Variants in SMIM31 observed in about 807,000 individuals in gnomAD.
The protein encoded by SMIM31 is human epithelial cell program regulator.
At chr4:164,781,129 TACACAC>T (rs138037586) in intron 2 of SMIM31, among the ~76,000 whole-genome samples, 1,773 of 144,538 alleles carry the variant, frequency 0.012, 38 homozygotes, top group African/African-American at 0.041. Flanking sequence ...TACATTTACA[TACACAC>T]ACACACACAC....
At chr4:164,770,266 C>T (rs1466142363) in intron 1 of SMIM31, among the ~76,000 whole-genome samples, 153 bp from the exon 2 acceptor site, 1 of 152,248 alleles carries the variant, frequency 6.6e-6, no homozygotes, top group Non-Finnish European at 1.5e-5. Context: ...ACAGTCCATT[C>T]TTGCCACTGC....
rs191378677 is a variant in SMIM31 at position 164,772,627 on chromosome 4, G to A, written c.112+2072G>A. Among the ~76,000 whole-genome samples, 286 of 147,004 alleles carry A rather than the reference G, an allele frequency of 1.9e-3. 1 individual carries two copies. The highest frequency in any genetic ancestry group is 6.4e-3 in the African/African-American group (254 of 39,926). On this transcript the variant is annotated intron_variant, in intron 2 of 2. Transcript: ENST00000507311. ...GGAGTCTCGCTCTGTCGCCCAGGCTGGAGTGCAGTGGCGCGATCTCGACTC... is the reference window on the plus strand; with the variant it reads ...GGAGTCTCGCTCTGTCGCCCAGGCTAGAGTGCAGTGGCGCGATCTCGACTC...
intron 1 of SMIM31, among the ~76,000 whole-genome samples, chr4:164,762,569 A>T (rs1732664475): frequency 6.6e-6 from 1 of 150,390 alleles, no homozygotes; most frequent in Admixed American, 6.7e-5. Context: ...ATACTAAAAT[A>T]TATATATATT....
chr4:164,799,341 C>T (rs564010649), intron 2 of SMIM31, among the ~76,000 whole-genome samples: 67 of 151,846 alleles, frequency 4.4e-4, no homozygotes, highest in African/African-American at 1.4e-3. Context: ...GCCAAGATCA[C>T]GCCACTGCAC....
At chr4:164,779,907 TCTTAGAAGTAATTGCAGCAG>T (rs1379586021) in intron 2 of SMIM31, among the ~76,000 whole-genome samples, 1 of 152,140 alleles carries the variant, frequency 6.6e-6, no homozygotes, top group Admixed American at 6.6e-5. Context: ...TTTTGGCATG[TCTTAGAAGTAATTGCAGCAG>T]CCAGCCAGTA....
chr4:164,796,417 G>A (rs1579075009), intron 2 of SMIM31, among the ~76,000 whole-genome samples: 1 of 152,040 alleles, frequency 6.6e-6, no homozygotes, highest in Non-Finnish European at 1.5e-5. Context: ...ATGCTGGAGC[G>A]CCTGGGACTC....
At chr4:164,758,530 C>T (rs1233339526) in intron 1 of SMIM31, among the ~76,000 whole-genome samples, 1 of 151,840 alleles carries the variant, frequency 6.6e-6, no homozygotes, top group African/African-American at 2.4e-5. Context: ...GAAGATCATT[C>T]CCACCTTTCT....
intron 1 of SMIM31, among the ~76,000 whole-genome samples, chr4:164,769,763 C>T (rs1168946432): frequency 2.0e-5 from 3 of 151,180 alleles, no homozygotes; most frequent in Admixed American, 1.3e-4. Context: ...AAAAACTCCT[C>T]TCCAATCAAT....
chr4:164,758,801 A>ATTTTTTTTTTTTTTTTTTTTT (rs35632469), intron 1 of SMIM31, among the ~76,000 whole-genome samples: 39 of 60,914 alleles, frequency 6.4e-4, no homozygotes, highest in East Asian at 1.2e-3. Flanking sequence ...GCCCGGCCAA[A>ATTTTTTTTTTTTTTTTTTTTT]TTTTTTTTTT....
chr4:164,780,215 C>G (rs1181557624), intron 2 of SMIM31, among the ~76,000 whole-genome samples: 2 of 152,192 alleles, frequency 1.3e-5, no homozygotes, highest in Non-Finnish European at 2.9e-5. Flanking sequence ...ATCACAAGGT[C>G]AGGAGATCAA....
chr4:164,783,585 T>TGTAAACGTCTGCCAATA (rs1553965981), intron 2 of SMIM31, among the ~76,000 whole-genome samples: 4 of 150,448 alleles, frequency 2.7e-5, no homozygotes, highest in African/African-American at 9.9e-5. Flanking sequence ...AAATGAAATT[T>TGTAAACGTCTGCCAATA]CAGAAAACAG....
At chr4:164,762,765 C>T (rs17045455) in intron 1 of SMIM31, among the ~76,000 whole-genome samples, 19,764 of 151,834 alleles carry the variant, frequency 0.13, 1,547 homozygotes, top group African/African-American at 0.21. Context: ...GTACAGAACA[C>T]TTGCTTATAT....
At chr4:164,794,608 C>G (rs1259194263) in intron 2 of SMIM31, among the ~76,000 whole-genome samples, 2 of 151,968 alleles carry the variant, frequency 1.3e-5, no homozygotes, top group African/African-American at 4.8e-5. Context: ...AGATCAAGAC[C>G]ATCCTGGCCA....
chr4:164,778,858 G>A (rs1488650523), intron 2 of SMIM31, among the ~76,000 whole-genome samples: 1 of 152,046 alleles, frequency 6.6e-6, no homozygotes, highest in African/African-American at 2.4e-5. Context: ...CTAAATTCAG[G>A]TATCCTTGAA....
intron 2 of SMIM31, among the ~76,000 whole-genome samples, chr4:164,775,941 A>T (rs1732875325): frequency 6.6e-6 from 1 of 152,154 alleles, no homozygotes; most frequent in Non-Finnish European, 1.5e-5. Flanking sequence ...AATACTTTGC[A>T]TTCTGTTTTG....
At chr4:164,757,460 T>G (rs1035242667) in intron 1 of SMIM31, among the ~76,000 whole-genome samples, 7 of 152,148 alleles carry the variant, frequency 4.6e-5, no homozygotes, top group Admixed American at 3.9e-4. Flanking sequence ...GCTATTAATT[T>G]CCATGTCCTA....
intron 2 of SMIM31, among the ~76,000 whole-genome samples, chr4:164,774,811 G>A (rs1007798307): frequency 6.6e-6 from 1 of 151,660 alleles, no homozygotes; most frequent in Non-Finnish European, 1.5e-5. Context: ...TTTTTGTTTT[G>A]CTATTTTATA....
intron 2 of SMIM31, among the ~76,000 whole-genome samples, chr4:164,798,262 C>G (rs1733232411): frequency 6.7e-6 from 1 of 148,540 alleles, no homozygotes; most frequent in Non-Finnish European, 1.5e-5. Context: ...GAGACGGAGT[C>G]TCGCTCTGTC....
chr4:164,773,349 G>A (rs946927586), intron 2 of SMIM31, among the ~76,000 whole-genome samples: 4 of 152,180 alleles, frequency 2.6e-5, no homozygotes, highest in African/African-American at 9.7e-5. Flanking sequence ...CTGTTCTCAT[G>A]CTGCTAATAA....
Sources: gnomAD v4.1 joint callset for allele counts (sites outside exome capture counted in the v4.1 genomes callset) on GRCh38, gnomAD v4.1.1 for gene constraint, MANE v1.5 for transcripts, NCBI Gene and HGNC (gene_info 2026-07-23, HGNC 2026-07-21) for gene names.